The following NBPF14 variants were observed in gnomAD, a reference collection of about 807,000 sequenced individuals.
NBPF14 encodes NBPF member 14, also known as NBPF family member NBPF14.
A neutral mutation model predicts 91.2 loss-of-function variants in NBPF14; 104 were observed. The ratio of observed to expected loss-of-function variants is 1.14; its 90% CI spans 0.97 to 1.34. The LOEUF is 1.34. NBPF14 is among the 40% of genes most tolerant of loss of function. The pLI, the probability that NBPF14 is intolerant of heterozygous loss-of-function variation, is 0.00. For missense variants in NBPF14, 908 were observed against 783.0 expected (o/e 1.16, Z -1.91); for synonymous variants, 294 against 303.8 (o/e 0.97, Z 0.34).
chr1:148,568,841 G>C (rs1183730110), intron 25 of NBPF14, among the ~76,000 whole-genome samples: 1 of 144,550 alleles, frequency 6.9e-6, no homozygotes, highest in Admixed American at 7.0e-5. Flanking sequence ...CCAAATGGCT[G>C]CTAGGAGAAA....
chr1:148,532,358 G>C (rs1653876665), exon 71 of NBPF14: 1 of 162,470 alleles, frequency 6.2e-6, no homozygotes, highest in Non-Finnish European at 1.4e-5. Flanking sequence ...GACCTCTACA[G>C]GATGGAATAG....
chr1:148,542,134 C>A (rs1157334787), intron 59 of NBPF14, among the ~76,000 whole-genome samples: 1 of 104,726 alleles, frequency 9.5e-6, no homozygotes, highest in Non-Finnish European at 1.7e-5. Context: ...AAGCATATAC[C>A]CTCAAATGAT....
exon 71 of NBPF14, chr1:148,532,709 A>C (rs879966449): frequency 9.1e-3 from 1,042 of 115,124 alleles, no homozygotes; most frequent in South Asian, 0.039. Flanking sequence ...TGCAAAATGA[A>C]ATCCCTGAGG....
intron 3 of NBPF14, among the ~76,000 whole-genome samples, chr1:148,593,296 C>A (rs1662801946): frequency 6.7e-6 from 1 of 148,768 alleles, no homozygotes; most frequent in African/African-American, 2.4e-5. Context: ...GATAGCACAC[C>A]ATTTTGATTA....
intron 34 of NBPF14, among the ~76,000 whole-genome samples, chr1:148,561,818 C>CAGAGAGAGAG (rs1192573908): frequency 7.8e-6 from 1 of 128,730 alleles, no homozygotes; most frequent in African/African-American, 4.0e-5. Context: ...CACACACACA[C>CAGAGAGAGAG]AGAGAGAGAG....
At position 148,566,512 on chromosome 1, in the gene NBPF14, C is replaced by T. The variant is rs1330479891; in HGVS notation, c.3543-197G>A. On this transcript the variant is annotated intron_variant, in intron 28 of 70. Coordinates refer to ENST00000619423, the Ensembl canonical transcript of NBPF14. ...AAAGAATGAAAGAGAAAGACAGACA[C>T]ACACACACACACACACACACACACA... is the stretch of plus-strand genomic sequence containing the variant. Among the ~76,000 whole-genome samples the T allele has an allele frequency of 2.0e-3, 187 of 93,548 alleles. 2 individuals are homozygous for T. The highest frequency in any genetic ancestry group is 0.01 in the African/African-American group (173 of 17,028). The allele number at this position is 93,548 out of a possible 152,430, so 61.4% of individuals were successfully genotyped here. A position where few individuals can be genotyped will look rare whatever the true frequency, so the allele number is the denominator to read the frequency against.
At chr1:148,532,280 T>C (rs1330675702) in exon 71 of NBPF14, 2 of 152,452 alleles carry the variant, frequency 1.3e-5, no homozygotes, top group South Asian at 2.1e-4. Flanking sequence ...GAACATGGCA[T>C]TGTTCATATT....
At chr1:148,587,335 G>A in exon 8 of NBPF14, 1 of 1,581,854 alleles carries the variant, frequency 6.3e-7, no homozygotes. Flanking sequence ...TGCTCCGCAA[G>A]CTTCTCCTCC....
intron 36 of NBPF14, among the ~76,000 whole-genome samples, chr1:148,560,187 C>A (rs1330344128): frequency 6.6e-6 from 1 of 150,966 alleles, no homozygotes; most frequent in Admixed American, 6.6e-5. Context: ...GAGACAGAGA[C>A]AGAGACAGAG....
intron 34 of NBPF14, among the ~76,000 whole-genome samples, chr1:148,561,801 A>T (rs1657805307): frequency 1.0e-5 from 1 of 95,710 alleles, no homozygotes; most frequent in Non-Finnish European, 2.3e-5. Flanking sequence ...ACACACACAC[A>T]AACACACACA....
chr1:148,559,876 T>C lies in NBPF14; in HGVS notation c.4646A>G (p.Glu1549Gly). 6 of 1,405,888 alleles carry C rather than the reference T, an allele frequency of 4.3e-6. 1 individual carries two copies. Among genetic ancestry groups the C allele is most frequent in the Non-Finnish European group, 5.8e-6 (6 of 1,031,364 alleles). 87.1% of individuals were successfully genotyped at this position (1,405,888 alleles called of 1,614,324 possible). The change falls in exon 37 of 71, where the codon GAA (glutamate) becomes GGA (glycine). Residue 1549 changes from glutamate (E) to glycine (G), a missense_variant. Glu to Gly is a moderately conservative substitution (Grantham distance 98). Around this residue, in one of 13 missense-constraint regions of NBPF14, gnomAD observed 447 missense variants for 189.1 expected, o/e 2.36. Transcript: ENST00000619423. ...ATAGGGCTGGCATGAGTCAGTCAGT[T>C]CAAGACAACCTGAAGGAGTTGAATA...
intron 9 of NBPF14, among the ~76,000 whole-genome samples, chr1:148,586,022 T>C (rs1251486138): frequency 6.6e-6 from 1 of 151,884 alleles, no homozygotes; most frequent in African/African-American, 2.4e-5. Context: ...ATGCTGCCTC[T>C]TGCTCCAAAG....
At chr1:148,534,652 G>T in intron 69 of NBPF14, 32 bp downstream of exon 69, 1 of 856,154 alleles carries the variant, frequency 1.2e-6, no homozygotes, top group Admixed American at 1.7e-5. Flanking sequence ...AGACCAGGTG[G>T]AGGCTTATCA....
chr1:148,593,562 C>A lies in NBPF14; in HGVS notation c.278+36G>T, dbSNP rs1662851740. ...CTGCTGTACTTCAGAGATCTACACA[C>A]CTACCCGCCTGCCTCCCCCTACGGG... On this transcript the variant is annotated intron_variant, in intron 3 of 70. Transcript: ENST00000619423. 4 of 1,554,784 alleles carry A rather than the reference C, an allele frequency of 2.6e-6. No homozygotes were observed. The South Asian group carries it at 3.3e-5, about 13-fold the overall frequency.
At chr1:148,535,145 T>A (rs1654854468) in intron 68 of NBPF14, among the ~76,000 whole-genome samples, 2 of 148,400 alleles carry the variant, frequency 1.3e-5, no homozygotes, top group African/African-American at 5.2e-5. Flanking sequence ...GTTAGTGCCC[T>A]CGGGACACAC....
intron 18 of NBPF14, among the ~76,000 whole-genome samples, 197 bp from the exon 19 acceptor site, chr1:148,574,422 G>GACAC (rs1207360751): frequency 5.9e-4 from 21 of 35,748 alleles, no homozygotes; most frequent in Admixed American, 1.3e-3. Context: ...AAGACAGATA[G>GACAC]ACACACACAC....
At chr1:148,581,366 T>C (rs1466085156) in intron 12 of NBPF14, among the ~76,000 whole-genome samples, 3 of 145,958 alleles carry the variant, frequency 2.1e-5, no homozygotes, top group African/African-American at 7.8e-5. Flanking sequence ...CCTTTGGGTA[T>C]ACACCCAGTA....
exon 8 of NBPF14, chr1:148,587,346 T>C: frequency 6.3e-7 from 1 of 1,583,152 alleles, no homozygotes; most frequent in African/African-American, 1.4e-5. Flanking sequence ...CTTCTCCTCC[T>C]TGAACTGTCG....
rs1273339487 is a variant in NBPF14, at chr1:148,595,319, G to C, written c.175+224C>G. ...CTGCGTTAGAAATCAATAACTGTGAGTTTAACTCTAGTTCCACCCCCATCT... is the reference window on the plus strand; with the variant it reads ...CTGCGTTAGAAATCAATAACTGTGACTTTAACTCTAGTTCCACCCCCATCT... On this transcript the variant is annotated intron_variant, in intron 2 of 70. Transcript: ENST00000619423. 6.3e-4 allele frequency among the ~76,000 whole-genome samples: 94 copies of C among 148,366 alleles called. 9 individuals carry two copies. The highest frequency in any genetic ancestry group is 2.2e-3 in the African/African-American group (88 of 40,256).
Sources: allele counts gnomAD v4.1 joint callset (sites outside exome capture counted in the v4.1 genomes callset), GRCh38; gene constraint gnomAD v4.1.1; regional missense constraint gnomAD v4.1.1; transcripts MANE v1.5; gene names NCBI Gene and HGNC (gene_info 2026-07-23, HGNC 2026-07-21).